SLC1A2: variants seen among roughly 807,000 people sequenced by gnomAD.
SLC1A2 encodes the protein excitatory amino acid transporter 2.
A neutral mutation model predicts 48.8 loss-of-function variants in SLC1A2; 15 were observed. The observed-to-expected ratio is 0.31, with a 90% CI of 0.21 to 0.47. The LOEUF is 0.47. SLC1A2 is among the 20% of genes least tolerant of loss of function. The probability of loss-of-function intolerance (pLI) is 0.99; values close to 1 mark genes in which losing one functional copy is unlikely to be tolerated. For missense variants in SLC1A2, 502 were observed against 730.5 expected (o/e 0.69, Z 3.61); for synonymous variants, 279 against 272.6 (o/e 1.02, Z -0.23).
At chr11:35,347,546 T>C (rs1853087033) in intron 1 of SLC1A2, among the ~76,000 whole-genome samples, 1 of 152,242 alleles carries the variant, frequency 6.6e-6, no homozygotes, top group South Asian at 2.1e-4. Context: ...GTTCTATGAT[T>C]AATTAGCAGT....
intron 1 of SLC1A2, among the ~76,000 whole-genome samples, chr11:35,343,841 C>A (rs887411826): frequency 2.0e-5 from 3 of 150,230 alleles, no homozygotes; most frequent in African/African-American, 7.3e-5. Flanking sequence ...CACACACAGG[C>A]ACACACACAC....
chr11:35,328,638 C>T (rs529951404), intron 1 of SLC1A2, among the ~76,000 whole-genome samples: 5 of 152,164 alleles, frequency 3.3e-5, no homozygotes, highest in African/African-American at 7.2e-5. Flanking sequence ...AAAACTTGCT[C>T]TTTATATTAG....
At chr11:35,273,997 G>A (rs1850365025) in intron 9 of SLC1A2, among the ~76,000 whole-genome samples, 1 of 152,182 alleles carries the variant, frequency 6.6e-6, no homozygotes, top group Non-Finnish European at 1.5e-5. Context: ...CAGAGAGCTG[G>A]GGAAATATTC....
chr11:35,362,563 C>T (rs748204965), intron 1 of SLC1A2, among the ~76,000 whole-genome samples: 5 of 152,140 alleles, frequency 3.3e-5, no homozygotes, highest in African/African-American at 7.2e-5. Flanking sequence ...TAACTATTCA[C>T]GGGACTGTAG....
At chr11:35,277,601 C>A (rs1287234328) in intron 9 of SLC1A2, among the ~76,000 whole-genome samples, 1 of 152,070 alleles carries the variant, frequency 6.6e-6, no homozygotes. Context: ...TGGTTTAAAG[C>A]CTTGGAAATA....
intron 1 of SLC1A2, among the ~76,000 whole-genome samples, chr11:35,413,509 C>T (rs1035233222): frequency 6.6e-6 from 1 of 152,046 alleles, no homozygotes; most frequent in East Asian, 1.9e-4. Flanking sequence ...ATAAATGGTA[C>T]CAAGATAAAA....
Position 35,259,926 on chromosome 11 carries a change from A to C in SLC1A2, c.*968T>G, listed in dbSNP as rs919402017. 5 of 152,272 alleles carry C rather than the reference A, an allele frequency of 3.3e-5. No individual in the cohort carries two copies. Among genetic ancestry groups the C allele is most frequent in the African/African-American group, 1.2e-4 (5 of 41,472 alleles). The allele number at this position is 152,272 out of a possible 1,614,324, so 9.4% of individuals were successfully genotyped here. ...AATGACCAGGCTTTCTAGGACGATG[A>C]GATGATGACTGAAATAATTGACAGA... On this transcript the variant is annotated 3_prime_UTR_variant, in exon 11 of 11. Coordinates refer to ENST00000278379, the MANE Select transcript of SLC1A2 (RefSeq NM_004171.4).
intron 1 of SLC1A2, among the ~76,000 whole-genome samples, chr11:35,361,160 G>A (rs1853667626): frequency 6.6e-6 from 1 of 152,162 alleles, no homozygotes; most frequent in South Asian, 2.1e-4. Flanking sequence ...ATAGGCATGA[G>A]CCACCATGAC....
chr11:35,371,330 C>G (rs1021103405), intron 1 of SLC1A2, among the ~76,000 whole-genome samples: 1 of 152,172 alleles, frequency 6.6e-6, no homozygotes, highest in African/African-American at 2.4e-5. Flanking sequence ...CCACCATGGT[C>G]CAGCTGGACC....
intron 1 of SLC1A2, among the ~76,000 whole-genome samples, chr11:35,343,435 T>C (rs142394617): frequency 3.9e-5 from 6 of 152,322 alleles, no homozygotes; most frequent in African/African-American, 1.4e-4. Context: ...TCCAGGAACC[T>C]TCATGAATAT....
intron 1 of SLC1A2, among the ~76,000 whole-genome samples, chr11:35,384,375 T>C (rs552184592): frequency 6.6e-6 from 1 of 152,192 alleles, no homozygotes; most frequent in Admixed American, 6.5e-5. Flanking sequence ...TCCTGGATTG[T>C]CTGAGTTCTG....
chr11:35,344,419 C>T (rs1590210591), intron 1 of SLC1A2, among the ~76,000 whole-genome samples: 2 of 152,260 alleles, frequency 1.3e-5, no homozygotes, highest in South Asian at 4.1e-4. Context: ...GAGGCAGAAG[C>T]AAGCTTGGTA....
rs1288138142 is a variant in SLC1A2 at position 35,255,538 on chromosome 11, T to C, written c.*5356A>G. The C allele has an allele frequency of 6.6e-6, 1 of 152,194 alleles. No homozygotes were observed. The highest frequency in any genetic ancestry group is 1.5e-5 in the Non-Finnish European group (1 of 68,036). The allele number at this position is 152,194 out of a possible 1,614,324, so 9.4% of individuals were successfully genotyped here. A position where few individuals can be genotyped will look rare whatever the true frequency, so the allele number is the denominator to read the frequency against. On this transcript the variant is annotated 3_prime_UTR_variant, in exon 11 of 11. Coordinates refer to ENST00000278379, the MANE Select transcript of SLC1A2 (RefSeq NM_004171.4). ...AACAGTTGCCGTGATTGTGCAAGTG[T>C]TGTACCAAATTTCAAAAGAGTGATC...
At chr11:35,307,812 G>A (rs1851560692) in intron 4 of SLC1A2, among the ~76,000 whole-genome samples, 1 of 152,188 alleles carries the variant, frequency 6.6e-6, no homozygotes, top group African/African-American at 2.4e-5. Flanking sequence ...TAAAATGGAT[G>A]GGAAGGGAGG....
chr11:35,368,536 A>G (rs1051705652), intron 1 of SLC1A2, among the ~76,000 whole-genome samples: 2 of 152,238 alleles, frequency 1.3e-5, no homozygotes, highest in Non-Finnish European at 2.9e-5. Context: ...TTCTACACAT[A>G]AAGAAAGTAA....
intron 10 of SLC1A2, among the ~76,000 whole-genome samples, chr11:35,263,222 T>C (rs865856501): frequency 6.6e-6 from 1 of 152,176 alleles, no homozygotes; most frequent in African/African-American, 2.4e-5. Flanking sequence ...TCCCAGCACC[T>C]TGGGAGGCCG....
intron 1 of SLC1A2, among the ~76,000 whole-genome samples, chr11:35,371,410 T>A (rs547715458): frequency 6.6e-6 from 1 of 152,264 alleles, no homozygotes; most frequent in Non-Finnish European, 1.5e-5. Flanking sequence ...ATCTGTCAAC[T>A]ACAATGACTT....
intron 4 of SLC1A2, among the ~76,000 whole-genome samples, chr11:35,311,933 G>A (rs1192810597): frequency 2.7e-4 from 4 of 14,874 alleles, no homozygotes; most frequent in Non-Finnish European, 4.9e-4. Context: ...GCGGGGGGGG[G>A]GGGTGGGGGA....
intron 1 of SLC1A2, among the ~76,000 whole-genome samples, chr11:35,410,694 C>T (rs1320749473): frequency 1.3e-5 from 2 of 152,162 alleles, no homozygotes; most frequent in Non-Finnish European, 2.9e-5. Flanking sequence ...CCCGTTCCAG[C>T]ACAGCCCCAT....
Sources: gnomAD v4.1 joint callset for allele counts (sites outside exome capture counted in the v4.1 genomes callset) on GRCh38, gnomAD v4.1.1 for gene constraint, MANE v1.5 for transcripts, NCBI Gene and HGNC (gene_info 2026-07-23, HGNC 2026-07-21) for gene names.